The following PLA2G4D variants were observed in gnomAD, a reference collection of about 807,000 sequenced individuals.
The protein encoded by PLA2G4D is cytosolic phospholipase A2 delta.
A neutral mutation model predicts 94.4 loss-of-function variants in PLA2G4D; 80 were observed. The observed-to-expected ratio is 0.85, with a 90% CI of 0.71 to 1.02. The LOEUF is 1.02. Among genes scored for constraint, PLA2G4D ranks in the 50% least tolerant of loss-of-function variants. The pLI is 0.00. For missense variants in PLA2G4D, 1,050 were observed against 1,034.7 expected (o/e 1.01, Z -0.20); for synonymous variants, 438 against 440.9 (o/e 0.99, Z 0.08).
intron 15 of PLA2G4D, 103 bp downstream of exon 15, chr15:42,071,665 CACCCCT>C: frequency 8.0e-7 from 1 of 1,247,306 alleles, no homozygotes; most frequent in Non-Finnish European, 1.2e-6. Flanking sequence ...TCCCCCCCGC[CACCCCT>C]CCCCCTTGTC....
intron 13 of PLA2G4D, among the ~76,000 whole-genome samples, chr15:42,073,435 C>T (rs1383660557): frequency 1.3e-5 from 2 of 152,214 alleles, no homozygotes; most frequent in East Asian, 1.9e-4. Flanking sequence ...CAAGCACCAG[C>T]AAGGCGAATG....
Position 42,071,790 on chromosome 15 carries a change from C to T in PLA2G4D, c.1557G>A (p.Arg519=). The T allele has an allele frequency of 6.2e-7, 1 of 1,614,044 alleles. No individual in the cohort carries two copies. Among genetic ancestry groups the T allele is most frequent in the Non-Finnish European group, 8.5e-7 (1 of 1,179,990 alleles). ...CACCCTCACCTTCCAGAAAGCAGAT[C>T]CGGGGCTCCGGGATCCTCCTCATCA... ...GRLMRRIPEP[R]ICFLEAIWSN... Residue 519 remains arginine, a synonymous_variant, in exon 15 of 20, where the codon CGG becomes CGA. Transcript: ENST00000290472.
rs1890119239 is a variant in PLA2G4D, at chr15:42,085,276, AG to A, written c.429-139del. 1.2e-5 allele frequency: 13 copies of A among 1,099,482 alleles called. No homozygotes were observed. The East Asian group carries it at 3.1e-4, about 26-fold the overall frequency. The allele number at this position is 1,099,482 out of a possible 1,614,324, so 68.1% of individuals were successfully genotyped here. A position where few individuals can be genotyped will look rare whatever the true frequency, so the allele number is the denominator to read the frequency against. ...TCAGGGACAAGGGGAGATGCTTTGC[AG>A]GAGGAGAGGGGAGGGGAGAGAGCAG... On this transcript the variant is annotated intron_variant, in intron 5 of 19. Coordinates refer to ENST00000290472, the MANE Select transcript of PLA2G4D (RefSeq NM_178034.4).
intron 18 of PLA2G4D, chr15:42,070,358 A>G (rs1371746859): frequency 1.4e-5 from 7 of 512,306 alleles, no homozygotes; most frequent in Admixed American, 3.8e-5. Context: ...CTGGATTGCT[A>G]TTGCTGGACT....
At position 42,071,553 on chromosome 15, in the gene PLA2G4D, T is replaced by C. The variant is rs755445900; in HGVS notation, c.1574-2A>G. ...GGGAGAAAATGTTGCTCCAGATGGC[T>C]GAGGAACACCAAAAGAGATCAGCCT... On this transcript the variant is annotated splice_acceptor_variant, in intron 15 of 19. Coordinates refer to ENST00000290472, the MANE Select transcript of PLA2G4D (RefSeq NM_178034.4). LOFTEE classifies it high-confidence loss of function. 1 of 1,610,874 alleles carries C rather than the reference T, an allele frequency of 6.2e-7. No homozygotes were observed. The highest frequency in any genetic ancestry group is 1.3e-5 in the African/African-American group (1 of 74,778).
chr15:42,080,861 G>C, intron 12 of PLA2G4D, 136 bp downstream of exon 12: 1 of 1,223,876 alleles, frequency 8.2e-7, no homozygotes, highest in South Asian at 1.6e-5. Flanking sequence ...TTCCTTGTGG[G>C]AAAGCTGCTT....
At position 42,070,013 on chromosome 15, in the gene PLA2G4D, T is replaced by C. The variant is rs981710628; in HGVS notation, c.2126A>G (p.Gln709Arg). ...RVEPSPQDQH[Q>R]PRECHLFSDP... is the part of the protein sequence containing the mutation. ...TGAGAAGAGGTGGCATTCCCTTGGC[T>C]GGTGCTGGTCCTGAGGGCTGGGTTC... The change falls in exon 19 of 20, where the codon CAG becomes CGG. Residue 709 changes from glutamine (Q) to arginine (R), a missense_variant. Physicochemically the swap from Gln to Arg is conservative, Grantham distance 43. Transcript: ENST00000290472. 2.7e-6 allele frequency: 4 copies of C among 1,505,422 alleles called. No individual in the cohort carries two copies. The East Asian group carries it at 1.1e-4, about 41-fold the overall frequency. The allele number at this position is 1,505,422 out of a possible 1,614,324, so 93.3% of individuals were successfully genotyped here.
intron 1 of PLA2G4D, among the ~76,000 whole-genome samples, chr15:42,090,136 G>C (rs1242821631): frequency 1.3e-5 from 2 of 152,186 alleles, no homozygotes; most frequent in East Asian, 1.9e-4. Context: ...CTTACTTGCT[G>C]TGTGACCTTG....
intron 13 of PLA2G4D, among the ~76,000 whole-genome samples, chr15:42,077,243 T>C (rs1439739000): frequency 1.3e-5 from 2 of 152,102 alleles, no homozygotes; most frequent in African/African-American, 4.8e-5. Context: ...AGGCCAGAAC[T>C]ACATTGATAC....
intron 1 of PLA2G4D, among the ~76,000 whole-genome samples, chr15:42,092,180 C>T (rs1890257290): frequency 6.6e-6 from 1 of 152,230 alleles, no homozygotes; most frequent in South Asian, 2.1e-4. Flanking sequence ...TATCCTCCCA[C>T]AGCTTCAAAA....
At position 42,071,928 on chromosome 15, in the gene PLA2G4D, G is replaced by A. The variant is rs374553438; in HGVS notation, c.1436-17C>T. ...CAACCCACTCTAATGGGGTGGGAAG[G>A]AGAGGCAGGAGTGTGAGGGGAGTGG... On this transcript the variant is annotated splice_polypyrimidine_tract_variant and intron_variant, in intron 14 of 19. Coordinates refer to ENST00000290472, the MANE Select transcript of PLA2G4D (RefSeq NM_178034.4). 4 of 1,612,874 alleles carry A rather than the reference G, an allele frequency of 2.5e-6. No individual in the cohort carries two copies. The highest frequency in any genetic ancestry group is 3.4e-6 in the Non-Finnish European group (4 of 1,179,190).
Position 42,086,194 on chromosome 15 carries a change from T to TTGGGGGGGGGGGGGGGCC in PLA2G4D, c.387+18_387+19insGGCCCCCCCCCCCCCCCA. On this transcript the variant is annotated intron_variant, in intron 4 of 19. Coordinates refer to ENST00000290472, the MANE Select transcript of PLA2G4D (RefSeq NM_178034.4). ...GGAAGAAGTGGGGCCCACGGGGACT[T>TTGGGGGGGGGGGGGGGCC]CCCCACCCACCCACCCACCTGGGGA... 34 of 1,370,416 alleles carry TTGGGGGGGGGGGGGGGCC rather than the reference T, an allele frequency of 2.5e-5. No individual in the cohort carries two copies. Among genetic ancestry groups the TTGGGGGGGGGGGGGGGCC allele is most frequent in the African/African-American group, 3.1e-5 (2 of 64,356 alleles). 84.9% of individuals were successfully genotyped at this position (1,370,416 alleles called of 1,614,324 possible). A position where few individuals can be genotyped will look rare whatever the true frequency, so the allele number is the denominator to read the frequency against.
intron 11 of PLA2G4D, 128 bp from the exon 12 acceptor site, chr15:42,081,261 G>A (rs927675202): frequency 6.1e-6 from 9 of 1,467,424 alleles, no homozygotes; most frequent in Non-Finnish European, 8.2e-6. Context: ...ATAGAGTCAG[G>A]GTTAGAGCTG....
chr15:42,090,185 T>C (rs1443036841), intron 1 of PLA2G4D, among the ~76,000 whole-genome samples: 8 of 151,136 alleles, frequency 5.3e-5, no homozygotes, highest in East Asian at 1.9e-4. Flanking sequence ...TGTTTCCTCA[T>C]GTGTAGTGGA....
At position 42,081,127 on chromosome 15, in the gene PLA2G4D, C is replaced by G. The variant is rs77803799; in HGVS notation, c.964G>C (p.Val322Leu). Reference sequence around the variant, plus strand: ...CCTCCTGTGGCCATGATGCCCACAACGGGTACCTGGACCACACACAGACAG... The same window carrying G: ...CCTCCTGTGGCCATGATGCCCACAAGGGGTACCTGGACCACACACAGACAG... Reference protein sequence around the residue: ...DRDLQEDEVPVVGIMATGGGA... With the variant: ...DRDLQEDEVPLVGIMATGGGA... The change falls in exon 12 of 20, where the codon GTT becomes CTT. Residue 322 changes from valine to leucine, a missense_variant. Val to Leu is a conservative substitution (Grantham distance 32). Transcript: ENST00000290472. The G allele has an allele frequency of 6.6e-3, 10,695 of 1,613,654 alleles. 197 individuals carry two copies. The highest frequency in any genetic ancestry group is 0.055 in the African/African-American group (4,149 of 75,038).
chr15:42,070,062 G>A lies in PLA2G4D; in HGVS notation c.2077C>T (p.Arg693Trp), dbSNP rs368349245. 3.3e-6 allele frequency: 5 copies of A among 1,522,410 alleles called. No homozygotes were observed. Among genetic ancestry groups the A allele is most frequent in the Non-Finnish European group, 4.4e-6 (5 of 1,135,122 alleles). 94.3% of individuals were successfully genotyped at this position (1,522,410 alleles called of 1,614,324 possible). A position where few individuals can be genotyped will look rare whatever the true frequency, so the allele number is the denominator to read the frequency against. Residue 693 changes from arginine to tryptophan, a missense_variant, in exon 19 of 20, where the codon CGG (arginine) becomes TGG (tryptophan). Coordinates refer to ENST00000290472, the MANE Select transcript of PLA2G4D (RefSeq NM_178034.4). The stretch of plus-strand genomic sequence containing the variant: ...TCCACCCGGGGGAAGGGCAGCCCCC[G>A]GGCCCGGCAGTACAGCTCCGTCTGC... ...LQQTELYCRA[R>W]GLPFPRVEPS...
intron 8 of PLA2G4D, 33 bp from the exon 9 acceptor site, chr15:42,082,422 A>T: frequency 1.3e-6 from 2 of 1,545,750 alleles, no homozygotes; most frequent in Non-Finnish European, 1.8e-6. Context: ...TCATTCATTC[A>T]TTCATTCAAC....
intron 14 of PLA2G4D, 76 bp from the exon 15 acceptor site, chr15:42,071,987 T>C: frequency 6.5e-7 from 1 of 1,532,414 alleles, no homozygotes. Context: ...CGAAAGACAC[T>C]GCCCCTGCCC....
At chr15:42,083,168 T>A in intron 8 of PLA2G4D, 30 bp downstream of exon 8, 3 of 1,602,768 alleles carry the variant, frequency 1.9e-6, no homozygotes, top group Non-Finnish European at 2.6e-6. Flanking sequence ...AAGCCTAGGA[T>A]TGCAAACGAG....
Sources: allele counts gnomAD v4.1 joint callset (sites outside exome capture counted in the v4.1 genomes callset), GRCh38; gene constraint gnomAD v4.1.1; transcripts MANE v1.5; gene names NCBI Gene and HGNC (gene_info 2026-07-23, HGNC 2026-07-21).